The following ARHGAP24 variants were observed in gnomAD, a reference collection of about 807,000 sequenced individuals.
ARHGAP24 encodes the protein rho GTPase-activating protein 24.
In ARHGAP24, 50 loss-of-function variants were observed where a neutral mutation model predicts 76.4. The observed-to-expected ratio is 0.65, with a 90% CI of 0.52 to 0.83. ARHGAP24 has a LOEUF of 0.83. Ranked by LOEUF, ARHGAP24 falls within the 40% of genes least tolerant of loss-of-function variation. ARHGAP24 has a pLI of 0.00. For synonymous variants in ARHGAP24, 345 were observed against 323.3 expected (o/e 1.07, Z -0.72); for missense variants, 930 against 914.2 (o/e 1.02, Z -0.22).
intron 3 of ARHGAP24, among the ~76,000 whole-genome samples, chr4:85,879,365 G>A (rs562779410): frequency 3.0e-4 from 46 of 152,186 alleles, no homozygotes; most frequent in Middle Eastern, 3.4e-3. Context: ...TCACCATCTC[G>A]CTACTCTGTG....
At chr4:85,687,897 C>T (rs1258836620) in intron 2 of ARHGAP24, among the ~76,000 whole-genome samples, 1 of 151,968 alleles carries the variant, frequency 6.6e-6, no homozygotes, top group Non-Finnish European at 1.5e-5. Context: ...CTGCAACCTC[C>T]ACCTCCCAGG....
intron 3 of ARHGAP24, among the ~76,000 whole-genome samples, chr4:85,817,088 G>T (rs1484128470): frequency 6.6e-6 from 1 of 152,110 alleles, no homozygotes. Flanking sequence ...GCCTATTCAA[G>T]TAGTCCTTTA....
At chr4:85,504,285 T>C (rs866346468) in intron 1 of ARHGAP24, among the ~76,000 whole-genome samples, 9 of 152,164 alleles carry the variant, frequency 5.9e-5, no homozygotes, top group African/African-American at 7.2e-5. Context: ...TAACCTTCCG[T>C]CTCATTGATC....
intron 3 of ARHGAP24, among the ~76,000 whole-genome samples, chr4:85,829,505 G>C (rs1729882554): frequency 6.6e-6 from 1 of 152,190 alleles, no homozygotes; most frequent in African/African-American, 2.4e-5. Context: ...GTGGTATGCT[G>C]AGCAGAAACA....
chr4:85,488,064 G>A (rs1044106817), intron 1 of ARHGAP24, among the ~76,000 whole-genome samples: 4 of 150,142 alleles, frequency 2.7e-5, no homozygotes, highest in Non-Finnish European at 5.9e-5. Context: ...CGGCCACCAC[G>A]CCCGGCTAAT....
rs142710892 is a variant in ARHGAP24 at position 85,811,758 on chromosome 4, T to C, written c.268+89786T>C. On this transcript the variant is annotated intron_variant, in intron 3 of 9. Coordinates refer to ENST00000395184, the MANE Select transcript of ARHGAP24 (RefSeq NM_001025616.3). ...GAAGATGCAGAGAAAAATCAAAACA[T>C]GTTACATCCAAAATTGATTTTAGCA... 9.9e-3 allele frequency among the ~76,000 whole-genome samples: 1,513 copies of C among 152,338 alleles called. 29 individuals are homozygous for C. The highest frequency in any genetic ancestry group is 0.034 in the African/African-American group (1,414 of 41,574).
intron 1 of ARHGAP24, among the ~76,000 whole-genome samples, chr4:85,556,740 G>C (rs1345662979): frequency 6.6e-6 from 1 of 152,152 alleles, no homozygotes; most frequent in Non-Finnish European, 1.5e-5. Context: ...GCTGCACTGT[G>C]CTGGGCATCT....
intron 1 of ARHGAP24, among the ~76,000 whole-genome samples, 138 bp from the exon 2 acceptor site, chr4:85,570,364 CTCTTTCTTTCTTTCTTTCTT>C (rs56272553): frequency 9.3e-5 from 13 of 140,066 alleles, no homozygotes; most frequent in East Asian, 4.2e-4. Context: ...TTCTTTCTTT[CTCTTTCTTTCTTTCTTTCTT>C]TCTTTCTTTC....
intron 2 of ARHGAP24, among the ~76,000 whole-genome samples, chr4:85,692,349 T>G (rs1723695730): frequency 6.6e-6 from 1 of 152,174 alleles, no homozygotes; most frequent in Non-Finnish European, 1.5e-5. Flanking sequence ...GGGTTTTCTG[T>G]ATTTCTTGAA....
chr4:85,512,555 G>A (rs1328589069), intron 1 of ARHGAP24, among the ~76,000 whole-genome samples: 3 of 152,118 alleles, frequency 2.0e-5, no homozygotes, highest in Non-Finnish European at 2.9e-5. Flanking sequence ...TTTATCAGCT[G>A]TATGCCAAGA....
chr4:85,751,929 A>C (rs760048602), intron 3 of ARHGAP24, among the ~76,000 whole-genome samples: 10 of 152,230 alleles, frequency 6.6e-5, no homozygotes, highest in Non-Finnish European at 1.3e-4. Flanking sequence ...TGCCTATGGC[A>C]CTGCCTAGCA....
intron 3 of ARHGAP24, among the ~76,000 whole-genome samples, chr4:85,816,509 T>C (rs910639784): frequency 6.6e-6 from 1 of 152,226 alleles, no homozygotes; most frequent in Admixed American, 6.5e-5. Flanking sequence ...CAACATTATA[T>C]ATACAATAAA....
Position 85,705,382 on chromosome 4 carries a change from T to C in ARHGAP24, c.181-16503T>C, listed in dbSNP as rs576638105. ...CATGTACAAATAAGACATATACATA[T>C]TGAAGTTCAATAATTACTTGAATGA... On this transcript the variant is annotated intron_variant, in intron 2 of 9. Transcript: ENST00000395184. Among the ~76,000 whole-genome samples the C allele has an allele frequency of 3.9e-5, 6 of 152,298 alleles. No homozygotes were observed. In the South Asian group the frequency reaches 6.2e-4, roughly 16 times the overall value.
intron 2 of ARHGAP24, among the ~76,000 whole-genome samples, chr4:85,620,903 G>C (rs796877469): frequency 9.4e-4 from 143 of 152,056 alleles, no homozygotes; most frequent in African/African-American, 3.3e-3. Context: ...GTACCCAATA[G>C]GTAGTTTTTC....
Position 85,831,261 on chromosome 4 carries a change from G to A in ARHGAP24, c.269-92387G>A, listed in dbSNP as rs994038463. On this transcript the variant is annotated intron_variant, in intron 3 of 9. Coordinates refer to ENST00000395184, the MANE Select transcript of ARHGAP24 (RefSeq NM_001025616.3). ...AGAGCCCCAAAATTCTTTTCAATAC[G>A]TAATTCAAATAATCAGTAAGACAAT... Among the ~76,000 whole-genome samples the A allele has an allele frequency of 9.2e-5, 14 of 151,948 alleles. 1 individual carries two copies. Among genetic ancestry groups the A allele is most frequent in the Admixed American group, 6.6e-4 (10 of 15,260 alleles).
At chr4:85,761,188 T>C (rs1726719598) in intron 3 of ARHGAP24, among the ~76,000 whole-genome samples, 1 of 152,200 alleles carries the variant, frequency 6.6e-6, no homozygotes, top group South Asian at 2.1e-4. Flanking sequence ...ACCTTGGAGA[T>C]AGCTGGAGTT....
intron 2 of ARHGAP24, among the ~76,000 whole-genome samples, chr4:85,664,640 G>C (rs1453626592): frequency 1.3e-4 from 19 of 150,364 alleles, no homozygotes; most frequent in Admixed American, 1.3e-3. Context: ...GCTTTCTCTT[G>C]TGGGCATTTA....
chr4:85,879,101 T>C (rs185583741), intron 3 of ARHGAP24, among the ~76,000 whole-genome samples: 1 of 152,358 alleles, frequency 6.6e-6, no homozygotes, highest in East Asian at 1.9e-4. Context: ...AGAAGACTTG[T>C]ATATATTTCA....
At chr4:85,811,299 G>A (rs935884731) in intron 3 of ARHGAP24, among the ~76,000 whole-genome samples, 4 of 152,154 alleles carry the variant, frequency 2.6e-5, no homozygotes, top group Non-Finnish European at 4.4e-5. Flanking sequence ...TTAAAATGAT[G>A]CAAATTTTAA....
Sources: allele counts gnomAD v4.1 joint callset (sites outside exome capture counted in the v4.1 genomes callset), GRCh38; gene constraint gnomAD v4.1.1; transcripts MANE v1.5; gene names NCBI Gene and HGNC (gene_info 2026-07-23, HGNC 2026-07-21).